TBC1D15: variants seen among roughly 807,000 people sequenced by gnomAD.
TBC1D15 encodes the protein GAP for RAB7.
Under a neutral mutation model 95.4 loss-of-function variants are expected in TBC1D15, and 39 were observed. The ratio of observed to expected loss-of-function variants is 0.41; its 90% CI spans 0.32 to 0.53. TBC1D15 has a LOEUF of 0.53. Among genes scored for constraint, TBC1D15 ranks in the 20% least tolerant of loss-of-function variants. The probability of loss-of-function intolerance (pLI) is 0.29; values close to 1 mark genes in which losing one functional copy is unlikely to be tolerated. For missense variants in TBC1D15, 733 were observed against 794.3 expected, an observed-to-expected ratio of 0.92 and a Z score of 0.93; for synonymous variants, 258 against 261.3, an observed-to-expected ratio of 0.99 and a Z score of 0.12.
intron 1 of TBC1D15, among the ~76,000 whole-genome samples, chr12:71,864,505 T>G (rs986863996): frequency 6.6e-6 from 1 of 151,026 alleles, no homozygotes; most frequent in African/African-American, 2.4e-5. Flanking sequence ...TTTTTGTTTG[T>G]TTGTTTGTTT....
intron 12 of TBC1D15, among the ~76,000 whole-genome samples, chr12:71,915,067 T>C (rs1903364421): frequency 6.6e-6 from 1 of 152,056 alleles, no homozygotes; most frequent in Admixed American, 6.6e-5. Context: ...AATTAATTTT[T>C]TTTGACTATT....
At chr12:71,876,022 T>C (rs1481081275) in intron 3 of TBC1D15, among the ~76,000 whole-genome samples, 2 of 152,096 alleles carry the variant, frequency 1.3e-5, no homozygotes, top group Non-Finnish European at 2.9e-5. Context: ...CTCGATCTCC[T>C]GACCTCGTGA....
intron 1 of TBC1D15, among the ~76,000 whole-genome samples, chr12:71,866,510 A>T (rs1891537455): frequency 6.6e-6 from 1 of 152,166 alleles, no homozygotes. Flanking sequence ...GGATGGAGTG[A>T]TGGGATCCCA....
chr12:71,865,828 G>A (rs1197813343), intron 1 of TBC1D15, among the ~76,000 whole-genome samples: 1 of 152,088 alleles, frequency 6.6e-6, no homozygotes, highest in African/African-American at 2.4e-5. Context: ...TTCCCAGGGA[G>A]TGATATGCCC....
At chr12:71,843,518 G>T (rs779084913) in intron 1 of TBC1D15, among the ~76,000 whole-genome samples, 1 of 152,046 alleles carries the variant, frequency 6.6e-6, no homozygotes, top group Non-Finnish European at 1.5e-5. Context: ...GTTAACTAGG[G>T]TATAATAGGA....
At chr12:71,870,180 C>G (rs1269275559) in intron 1 of TBC1D15, among the ~76,000 whole-genome samples, 1 of 152,122 alleles carries the variant, frequency 6.6e-6, no homozygotes, top group African/African-American at 2.4e-5. Context: ...GAATGGATAT[C>G]CCAGGATATA....
At chr12:71,843,441 T>C (rs1329162951) in intron 1 of TBC1D15, among the ~76,000 whole-genome samples, 5 of 152,206 alleles carry the variant, frequency 3.3e-5, no homozygotes, top group Non-Finnish European at 7.3e-5. Flanking sequence ...TTTAGAAAGA[T>C]GAATATTCTT....
intron 1 of TBC1D15, among the ~76,000 whole-genome samples, chr12:71,846,762 T>TA (rs1239471650): frequency 6.7e-6 from 1 of 149,620 alleles, no homozygotes; most frequent in Non-Finnish European, 1.5e-5. Context: ...CAGCTTTTTT[T>TA]TTTTTTTTTT....
At chr12:71,914,284 T>A (rs1182058298) in intron 12 of TBC1D15, among the ~76,000 whole-genome samples, 1 of 152,018 alleles carries the variant, frequency 6.6e-6, no homozygotes, top group Non-Finnish European at 1.5e-5. Flanking sequence ...TAAAGCTTAG[T>A]CATGCCAAGT....
At chr12:71,882,158 C>T (rs886564354) in intron 4 of TBC1D15, among the ~76,000 whole-genome samples, 1 of 151,882 alleles carries the variant, frequency 6.6e-6, no homozygotes, top group African/African-American at 2.4e-5. Flanking sequence ...TTGTGTGAGG[C>T]ACAAAGCCAA....
At chr12:71,883,722 G>A (rs540316571) in intron 4 of TBC1D15, among the ~76,000 whole-genome samples, 22 of 152,106 alleles carry the variant, frequency 1.4e-4, no homozygotes, top group Non-Finnish European at 2.6e-4. Flanking sequence ...TGAGTAGCAG[G>A]ATAGTGTGAC....
chr12:71,847,236 C>T (rs1250512176), intron 1 of TBC1D15, among the ~76,000 whole-genome samples: 3 of 152,108 alleles, frequency 2.0e-5, no homozygotes, highest in Non-Finnish European at 2.9e-5. Flanking sequence ...CTCAGGCAAC[C>T]ACTGAGCATT....
At chr12:71,843,546 A>AGACATAC (rs1251529261) in intron 1 of TBC1D15, among the ~76,000 whole-genome samples, 1 of 152,012 alleles carries the variant, frequency 6.6e-6, no homozygotes, top group East Asian at 1.9e-4. Flanking sequence ...TTATTTTTAA[A>AGACATAC]TTTTTCTGGC....
intron 11 of TBC1D15, among the ~76,000 whole-genome samples, chr12:71,910,419 G>A (rs1901929979): frequency 6.6e-6 from 1 of 151,148 alleles, no homozygotes; most frequent in South Asian, 2.1e-4. Flanking sequence ...GTAGCTTGAT[G>A]GGGATGGCAT....
chr12:71,885,330 C>T (rs893696285), intron 5 of TBC1D15, among the ~76,000 whole-genome samples: 24 of 151,952 alleles, frequency 1.6e-4, no homozygotes, highest in Admixed American at 1.0e-3. Context: ...CCTAATTTAC[C>T]CTTTATTATG....
At chr12:71,877,022 G>T (rs775982608) in intron 3 of TBC1D15, among the ~76,000 whole-genome samples, 2 of 151,948 alleles carry the variant, frequency 1.3e-5, no homozygotes, top group Non-Finnish European at 2.9e-5. Context: ...TGTTGGCCAG[G>T]CTGGTCTCGA....
intron 6 of TBC1D15, chr12:71,894,482 A>C (rs1034625522): frequency 1.5e-6 from 2 of 1,301,278 alleles, no homozygotes; most frequent in African/African-American, 1.5e-5. Context: ...TTATTATGCT[A>C]TTTTAACCAA....
chr12:71,879,190 TG>T (rs1178912232), intron 3 of TBC1D15, among the ~76,000 whole-genome samples: 3 of 151,566 alleles, frequency 2.0e-5, no homozygotes, highest in African/African-American at 7.3e-5. Flanking sequence ...TGGAGTGCAA[TG>T]GCTCAATCTT....
intron 3 of TBC1D15, among the ~76,000 whole-genome samples, chr12:71,877,496 T>TCC (rs1894146134): frequency 1.1e-5 from 1 of 89,676 alleles, no homozygotes; most frequent in East Asian, 3.3e-4. Flanking sequence ...CTTTCCTGTT[T>TCC]TTCCTTCCTT....
Sources: allele counts gnomAD v4.1 joint callset (sites outside exome capture counted in the v4.1 genomes callset), GRCh38; gene constraint gnomAD v4.1.1; transcripts MANE v1.5; gene names NCBI Gene and HGNC (gene_info 2026-07-23, HGNC 2026-07-21).